Variants in FN1 observed in about 807,000 individuals in gnomAD.
The protein encoded by FN1 is fibronectin 1.
In FN1, 106 loss-of-function variants were observed where a neutral mutation model predicts 297.3. The observed-to-expected ratio is 0.36, with a 90% CI of 0.30 to 0.42. The LOEUF (loss-of-function observed/expected upper bound fraction) is 0.42, where lower values mean the gene tolerates loss of function less well. Among genes scored for constraint, FN1 ranks in the 10% least tolerant of loss-of-function variants. FN1 has a pLI of 1.00. For synonymous variants in FN1, 1,149 were observed against 1,152.6 expected (o/e 1.00, Z 0.06); for missense variants, 2,690 against 3,124.9 (o/e 0.86, Z 3.32).
At chr2:215,433,581 GA>G in intron 2 of FN1, 120 bp from the exon 3 acceptor site, 1 of 983,704 alleles carries the variant, frequency 1.0e-6, no homozygotes, top group South Asian at 1.4e-5. Flanking sequence ...ACACCTCAAA[GA>G]ATAAAATGAA....
Position 215,388,300 on chromosome 2 carries a change from A to G in FN1, c.4254T>C (p.Asn1418=). The G allele has an allele frequency of 1.2e-6, 2 of 1,611,650 alleles. No individual in the cohort carries two copies. The highest frequency in any genetic ancestry group is 1.7e-6 in the Non-Finnish European group (2 of 1,177,780). ...SPSDNAVVLT[N]LLPGTEYVVS... ...CTACATATTCTGTACCAGGCAGGAG[A>G]TCTGTAGGGGCAAATGGGGCTTATT... Residue 1418 remains asparagine, a splice_region_variant and synonymous_variant, in exon 27 of 46, where the codon AAT becomes AAC. Coordinates refer to ENST00000354785, the MANE Select transcript of FN1 (RefSeq NM_212482.4).
At chr2:215,428,386 G>A (rs1297007371) in intron 5 of FN1, 48 bp from the exon 6 acceptor site, 2 of 1,574,268 alleles carry the variant, frequency 1.3e-6, no homozygotes, top group Non-Finnish European at 1.7e-6. Flanking sequence ...AGAGTCGCAA[G>A]TGGTCAATTC....
intron 43 of FN1, among the ~76,000 whole-genome samples, chr2:215,365,249 CT>C (rs2054294709): frequency 6.6e-6 from 1 of 152,180 alleles, no homozygotes; most frequent in African/African-American, 2.4e-5. Flanking sequence ...AATAAAGCTT[CT>C]TTGTAGCATT....
rs141478343 is a variant in FN1, at chr2:215,368,594, G to A, written c.6854-567C>T. ...TTAAAGGCTGTCTTTTGCTTATAAT[G>A]CAAAAGTCTTAGCATTTTAATATAC... On this transcript the variant is annotated intron_variant, in intron 41 of 45. Transcript: ENST00000354785. 5.2e-3 allele frequency among the ~76,000 whole-genome samples: 786 copies of A among 152,256 alleles called. 6 individuals are homozygous for A. Among genetic ancestry groups the A allele is most frequent in the African/African-American group, 0.018 (749 of 41,548 alleles).
rs75367290 is a variant in FN1, at chr2:215,368,225, C to T, written c.6854-198G>A. ...TTAGATGTGACACCTGTCACAGGCA[C>T]CCGACAGGAAGCCCATCTTTTATTT... On this transcript the variant is annotated intron_variant, in intron 41 of 45. Transcript: ENST00000354785. Among the ~76,000 whole-genome samples, 4,248 of 152,268 alleles carry T rather than the reference C, an allele frequency of 0.028. 184 individuals carry two copies. The highest frequency in any genetic ancestry group is 0.095 in the African/African-American group (3,933 of 41,538).
chr2:215,386,998 A>G, intron 27 of FN1, 40 bp from the exon 28 acceptor site: 1 of 1,558,300 alleles, frequency 6.4e-7, no homozygotes, highest in Non-Finnish European at 8.7e-7. Context: ...AAAAAAAAAG[A>G]AAAGACACCA....
Position 215,386,931 on chromosome 2 carries a change from A to T in FN1, c.4370T>A (p.Phe1457Tyr). ...AAAAGAGTTGGCAGTAATATCAGAA[A>T]AGTCAATGCCAGTTGGGGAATCAAG... ...TGLDSPTGID[F>Y]SDITANSFTV... Residue 1457 changes from phenylalanine (F) to tyrosine (Y), a missense_variant, in exon 28 of 46, where the codon TTT becomes TAT. Phe to Tyr is a conservative substitution (Grantham distance 22, BLOSUM62 3). Around this residue, in one of 3 missense-constraint regions of FN1, gnomAD observed 1,743 missense variants for 1,945.2 expected, o/e 0.90. Coordinates refer to ENST00000354785, the MANE Select transcript of FN1 (RefSeq NM_212482.4). 6.2e-7 allele frequency: 1 copy of T among 1,613,002 alleles called. No individual in the cohort carries two copies. The highest frequency in any genetic ancestry group is 8.5e-7 in the Non-Finnish European group (1 of 1,179,602).
chr2:215,415,460 TGGG>T (rs1171254895), intron 12 of FN1, among the ~76,000 whole-genome samples: 1 of 152,124 alleles, frequency 6.6e-6, no homozygotes, highest in Non-Finnish European at 1.5e-5. Flanking sequence ...CATTTCTAAA[TGGG>T]GGTAGAATCT....
chr2:215,408,392 A>G lies in FN1; in HGVS notation c.2334T>C (p.Pro778=). The part of the protein sequence containing the change: ...LPSTATSVNI[P]DLLPGRKYIV... ...TGTATTTTCGGCCAGGAAGCAGGTC[A>G]GGGATGTTCACAGAAGTGGCTGTGC... The change falls in exon 16 of 46, where the codon CCT becomes CCC. Residue 778 remains proline, a synonymous_variant. Coordinates refer to ENST00000354785, the MANE Select transcript of FN1 (RefSeq NM_212482.4). The G allele has an allele frequency of 6.2e-7, 1 of 1,614,190 alleles. No individual in the cohort carries two copies. The highest frequency in any genetic ancestry group is 8.5e-7 in the Non-Finnish European group (1 of 1,180,020).
chr2:215,398,434 A>G (rs538432100), intron 21 of FN1, among the ~76,000 whole-genome samples: 1 of 152,356 alleles, frequency 6.6e-6, no homozygotes, highest in Admixed American at 6.5e-5. Context: ...ACTGTTATCC[A>G]ATAGTGTTCA....
At chr2:215,414,332 C>T (rs2063117597) in intron 13 of FN1, among the ~76,000 whole-genome samples, 1 of 152,148 alleles carries the variant, frequency 6.6e-6, no homozygotes, top group South Asian at 2.1e-4. Context: ...TCCCTCCCAT[C>T]ATCTCTTTTC....
intron 26 of FN1, among the ~76,000 whole-genome samples, chr2:215,389,604 A>G (rs1421815947): frequency 1.3e-5 from 2 of 151,436 alleles, no homozygotes; most frequent in Non-Finnish European, 2.9e-5. Flanking sequence ...CCTGGCCAAC[A>G]TGGTGAAACC....
At chr2:215,409,832 C>T (rs917925876) in intron 14 of FN1, 93 bp from the exon 15 acceptor site, 2 of 1,591,110 alleles carry the variant, frequency 1.3e-6, no homozygotes, top group African/African-American at 2.7e-5. Context: ...ACGTTGGTGC[C>T]CCTCCTGGAA....
At chr2:215,418,621 A>G (rs1356988519) in intron 12 of FN1, among the ~76,000 whole-genome samples, 4 of 152,146 alleles carry the variant, frequency 2.6e-5, no homozygotes, top group African/African-American at 9.7e-5. Flanking sequence ...TTCCCCCCAA[A>G]TGAACTAATT....
chr2:215,428,113 A>G (rs2065824350), intron 6 of FN1, 67 bp downstream of exon 6: 4 of 1,569,710 alleles, frequency 2.5e-6, no homozygotes, highest in Non-Finnish European at 3.5e-6. Flanking sequence ...CAAAGGAAAG[A>G]TGGATTTGCG....
At chr2:215,402,465 G>C (rs934373071) in intron 20 of FN1, among the ~76,000 whole-genome samples, 5 of 152,120 alleles carry the variant, frequency 3.3e-5, no homozygotes, top group Non-Finnish European at 5.9e-5. Context: ...TTGCTCTTAA[G>C]AATTTAGCAC....
At chr2:215,389,741 G>A (rs1025846124) in intron 26 of FN1, among the ~76,000 whole-genome samples, 2 of 152,166 alleles carry the variant, frequency 1.3e-5, no homozygotes, top group Non-Finnish European at 2.9e-5. Flanking sequence ...AGTGAGCCCA[G>A]ATCGTGCCAC....
At position 215,378,197 on chromosome 2, in the gene FN1, C is replaced by G; in HGVS notation, c.5688G>C (p.Gln1896His). 1 of 1,609,242 alleles carries G rather than the reference C, an allele frequency of 6.2e-7. No homozygotes were observed. Among genetic ancestry groups the G allele is most frequent in the South Asian group, 1.1e-5 (1 of 90,982 alleles). Residue 1896 changes from glutamine (Q) to histidine (H), a missense_variant, in exon 35 of 46, where the codon CAG (glutamine) becomes CAC (histidine). This residue lies in a region of FN1 where 1,743 missense variants were observed against 1,945.2 expected (regional missense o/e 0.90). Coordinates refer to ENST00000354785, the MANE Select transcript of FN1 (RefSeq NM_212482.4). ...LKDTLTSRPA[Q>H]GVVTTLENVS... Reference sequence around the variant, plus strand: ...TACTCTCCAGAGTGGTGACAACTCCCTGAGCTGGTCTGCTTGTCAAAGTGT... The same window carrying G: ...TACTCTCCAGAGTGGTGACAACTCCGTGAGCTGGTCTGCTTGTCAAAGTGT...
rs2063191554 is a variant in FN1, at chr2:215,414,740, T to C, written c.1941+97A>G. 4.5e-6 allele frequency: 7 copies of C among 1,567,904 alleles called. No homozygotes were observed. In the East Asian group the frequency reaches 1.4e-4, roughly 31 times the overall value. On this transcript the variant is annotated intron_variant, in intron 13 of 45. Coordinates refer to ENST00000354785, the MANE Select transcript of FN1 (RefSeq NM_212482.4). ...TAGTAAATGCTATAGGAATAGTTAA[T>C]CAGAGTTGTTGGCTCAAAAGCTGGG...
Sources: gnomAD v4.1 joint callset for allele counts (sites outside exome capture counted in the v4.1 genomes callset) on GRCh38, gnomAD v4.1.1 for gene constraint, gnomAD v4.1.1 regional missense constraint, MANE v1.5 for transcripts, NCBI Gene and HGNC (gene_info 2026-07-23, HGNC 2026-07-21) for gene names.